IGFL2: variants seen among roughly 807,000 people sequenced by gnomAD.
IGFL2 encodes IGF like family member 2, also known as insulin growth factor-like family member 2.
A neutral mutation model predicts 13.9 loss-of-function variants in IGFL2; 7 were observed. The observed-to-expected ratio is 0.51, with a 90% CI of 0.29 to 0.95. IGFL2 has a LOEUF of 0.95. IGFL2 is among the 40% of genes least tolerant of loss of function. IGFL2 has a pLI of 0.08. For missense variants in IGFL2, 138 were observed against 147.8 expected, an observed-to-expected ratio of 0.93 and a Z score of 0.34; for synonymous variants, 55 against 55.8, an observed-to-expected ratio of 0.99 and a Z score of 0.07.
chr19:46,137,805 A>C, the IGFL2 span, among the ~76,000 whole-genome samples: 1 of 152,218 alleles, frequency 6.6e-6, no homozygotes, highest in Non-Finnish European at 1.5e-5. Flanking sequence ...AGCTTGGTCT[A>C]TTCTGTTGTG....
At position 46,153,017 on chromosome 19, in the gene IGFL2, A is replaced by G. The variant is rs562492698; in HGVS notation, c.19+4720A>G. Among the ~76,000 whole-genome samples the G allele has an allele frequency of 1.6e-4, 25 of 152,302 alleles. No homozygotes were observed. In the South Asian group the frequency reaches 5.2e-3, roughly 32 times the overall value. The stretch of plus-strand genomic sequence containing the variant: ...AACCAACTTTGCATCCGTGGGATAA[A>G]TCCACTTGGTCATGGCGTATCGTTC... On this transcript the variant is annotated intron_variant, in intron 1 of 3. Coordinates refer to ENST00000377693, the MANE Select transcript of IGFL2 (RefSeq NM_001135113.2).
At chr19:46,162,149 T>C (rs1974199954), downstream of IGFL2, among the ~76,000 whole-genome samples, 1 of 152,258 alleles carries the variant, frequency 6.6e-6, no homozygotes, top group Admixed American at 6.5e-5. Context: ...TGGCTTGTGC[T>C]GAGAAGTCTG....
At chr19:46,192,573 C>T in the IGFL2 span, among the ~76,000 whole-genome samples, 1 of 151,886 alleles carries the variant, frequency 6.6e-6, no homozygotes, top group Non-Finnish European at 1.5e-5. Flanking sequence ...GTGCCCACCA[C>T]CATGCCGGGC....
chr19:46,080,016 A>AG, the IGFL2 span, among the ~76,000 whole-genome samples: 5,377 of 152,286 alleles, frequency 0.035, 145 homozygotes, highest in East Asian at 0.071. Flanking sequence ...CGTGCGTCAG[A>AG]GGGCCACATC....
chr19:46,102,304 C>A, the IGFL2 span, among the ~76,000 whole-genome samples: 1 of 152,152 alleles, frequency 6.6e-6, no homozygotes, highest in Non-Finnish European at 1.5e-5. Flanking sequence ...AGAGAGTCAG[C>A]AAAGGGTGGT....
At position 46,161,089 on chromosome 19, in the gene IGFL2, G is replaced by A; in HGVS notation, c.*1G>A. On this transcript the variant is annotated 3_prime_UTR_variant, in exon 4 of 4. Transcript: ENST00000377693. ...CTGTAGCAGAAGACGTTTTCCCTGA[G>A]AAGACATAGAAAGAAAATCAACTTT... The A allele has an allele frequency of 6.3e-7, 1 of 1,588,282 alleles. No homozygotes were observed. Among genetic ancestry groups the A allele is most frequent in the East Asian group, 2.3e-5 (1 of 44,348 alleles).
the IGFL2 span, among the ~76,000 whole-genome samples, chr19:46,198,843 C>T: frequency 6.6e-6 from 1 of 152,228 alleles, no homozygotes; most frequent in Non-Finnish European, 1.5e-5. Flanking sequence ...CACCCCATCC[C>T]TGCCTATCCC....
At chr19:46,201,131 A>G in the IGFL2 span, among the ~76,000 whole-genome samples, 1 of 152,218 alleles carries the variant, frequency 6.6e-6, no homozygotes, top group Non-Finnish European at 1.5e-5. Context: ...TCCCCTCTCC[A>G]CAAGGGAGGA....
At chr19:46,194,827 A>ATT in the IGFL2 span, among the ~76,000 whole-genome samples, 37 of 65,232 alleles carry the variant, frequency 5.7e-4, no homozygotes, top group South Asian at 0.015. Flanking sequence ...AGGCTTCCTC[A>ATT]TTTTATATAT....
chr19:46,209,462 GA>G, the IGFL2 span: 1 of 152,198 alleles, frequency 6.6e-6, no homozygotes, highest in South Asian at 2.1e-4. Flanking sequence ...AGGGCTGCAG[GA>G]GCCCAGGCTG....
chr19:46,134,356 G>C, the IGFL2 span, among the ~76,000 whole-genome samples: 1 of 152,146 alleles, frequency 6.6e-6, no homozygotes, highest in Non-Finnish European at 1.5e-5. Flanking sequence ...CATGGACAAA[G>C]GAGGAGGGGG....
chr19:46,183,514 A>G, the IGFL2 span, among the ~76,000 whole-genome samples: 1 of 123,942 alleles, frequency 8.1e-6, no homozygotes, highest in African/African-American at 3.1e-5. Context: ...TCTCTCCCCT[A>G]CTCTGTCTCT....
downstream of IGFL2, chr19:46,161,449 G>A: frequency 4.7e-6 from 1 of 211,052 alleles, no homozygotes. Flanking sequence ...CTATTATTGT[G>A]TGGGAGTCTA....
the IGFL2 span, among the ~76,000 whole-genome samples, chr19:46,176,908 A>ATGTGACTGAATC: frequency 6.6e-6 from 1 of 152,200 alleles, no homozygotes; most frequent in Non-Finnish European, 1.5e-5. Flanking sequence ...GTTGGAGGCA[A>ATGTGACTGAATC]TGTGACTGAA....
the IGFL2 span, chr19:46,207,593 G>C: frequency 6.6e-6 from 1 of 152,106 alleles, no homozygotes. Context: ...TGTTGGCCAG[G>C]CTGTTCTCAA....
chr19:46,209,191 A>G, the IGFL2 span: 1 of 152,244 alleles, frequency 6.6e-6, no homozygotes, highest in African/African-American at 2.4e-5. Flanking sequence ...GTGTGTGCTA[A>G]ATGAATGAAA....
the IGFL2 span, among the ~76,000 whole-genome samples, chr19:46,114,376 C>G: frequency 6.6e-6 from 1 of 152,296 alleles, no homozygotes; most frequent in African/African-American, 2.4e-5. Context: ...GAGTCTCTCC[C>G]AAAATGGAAG....
At chr19:46,160,530 G>C (rs1001503612) in intron 2 of IGFL2, 62 bp downstream of exon 2, 5 of 1,612,332 alleles carry the variant, frequency 3.1e-6, no homozygotes, top group Admixed American at 1.7e-5. Flanking sequence ...GTGGGCATGG[G>C]GGTTCACAGA....
At chr19:46,166,154 A>G (rs1330938391), downstream of IGFL2, among the ~76,000 whole-genome samples, 1 of 152,242 alleles carries the variant, frequency 6.6e-6, no homozygotes, top group Non-Finnish European at 1.5e-5. Context: ...GGACATTAAG[A>G]ACAAGATACC....
Sources: allele counts gnomAD v4.1 joint callset (sites outside exome capture counted in the v4.1 genomes callset), GRCh38; gene constraint gnomAD v4.1.1; transcripts MANE v1.5; gene names NCBI Gene and HGNC (gene_info 2026-07-23, HGNC 2026-07-21).